CADM2: variants seen among roughly 807,000 people sequenced by gnomAD.
CADM2 encodes cell adhesion molecule 2.
In CADM2, 12 loss-of-function variants were observed where a neutral mutation model predicts 49.8. The ratio of observed to expected loss-of-function variants is 0.24; its 90% confidence interval spans 0.15 to 0.39. The LOEUF (loss-of-function observed/expected upper bound fraction) is 0.39. CADM2 is among the 10% of genes least tolerant of loss of function. The pLI, the probability that CADM2 is intolerant of heterozygous loss-of-function variation, is 1.00. For synonymous variants in CADM2, 214 were observed against 175.4 expected (o/e 1.22, Z -1.74); for missense variants, 378 against 492.3 (o/e 0.77, Z 2.20).
intron 5 of CADM2, 31 bp downstream of exon 5, chr3:85,886,358 A>T: frequency 6.6e-7 from 1 of 1,522,666 alleles, no homozygotes; most frequent in South Asian, 1.1e-5. Context: ...AATCAAAATT[A>T]ATGTGCTGAA....
intron 3 of CADM2, among the ~76,000 whole-genome samples, chr3:85,811,095 A>G (rs774890025): frequency 5.9e-5 from 9 of 152,230 alleles, no homozygotes; most frequent in Non-Finnish European, 1.3e-4. Flanking sequence ...CAACATATGC[A>G]TGCCTAAATT....
At chr3:85,051,909 G>A (rs2035896896) in intron 1 of CADM2, among the ~76,000 whole-genome samples, 1 of 152,068 alleles carries the variant, frequency 6.6e-6, no homozygotes, top group Non-Finnish European at 1.5e-5. Flanking sequence ...TGCAAATGAA[G>A]GGATTTTTTA....
rs186128334 is a variant in CADM2, at chr3:85,180,941, C to A, written c.61+221273C>A. 1.6e-3 allele frequency among the ~76,000 whole-genome samples: 238 copies of A among 152,068 alleles called. 1 individual carries two copies. The highest frequency in any genetic ancestry group is 5.3e-3 in the African/African-American group (218 of 41,486). On this transcript the variant is annotated intron_variant, in intron 1 of 9. Transcript: ENST00000383699. The stretch of plus-strand genomic sequence containing the variant: ...GCTTCCAGGTATAAGTGATTAGTCC[C>A]TAAAGGAGAATGTGATGAAGAAATT...
chr3:85,184,975 G>T (rs375578331), intron 1 of CADM2, among the ~76,000 whole-genome samples: 1 of 152,034 alleles, frequency 6.6e-6, no homozygotes, highest in African/African-American at 2.4e-5. Context: ...CAGTAGTACA[G>T]ACATAATCAG....
chr3:85,466,834 C>T (rs868694497), intron 1 of CADM2, among the ~76,000 whole-genome samples: 1 of 151,614 alleles, frequency 6.6e-6, no homozygotes, highest in Non-Finnish European at 1.5e-5. Context: ...TTCAGACAGT[C>T]TTGGAAAATG....
At chr3:85,071,743 G>T (rs1252286138) in intron 1 of CADM2, among the ~76,000 whole-genome samples, 1 of 151,976 alleles carries the variant, frequency 6.6e-6, no homozygotes, top group African/African-American at 2.4e-5. Context: ...ACTGAGCCTT[G>T]ATTATCATAG....
At chr3:85,602,326 C>G (rs549841068) in intron 1 of CADM2, among the ~76,000 whole-genome samples, 1 of 151,568 alleles carries the variant, frequency 6.6e-6, no homozygotes, top group Non-Finnish European at 1.5e-5. Flanking sequence ...ACTTTAGGAC[C>G]AAAATTAACT....
At chr3:85,531,412 TAGTGTC>T (rs1371360230) in intron 1 of CADM2, among the ~76,000 whole-genome samples, 10 of 152,198 alleles carry the variant, frequency 6.6e-5, no homozygotes, top group African/African-American at 1.4e-4. Context: ...TTGGAGATGT[TAGTGTC>T]TGTAGTCTGG....
intron 1 of CADM2, among the ~76,000 whole-genome samples, chr3:85,688,761 T>A (rs141287781): frequency 0.014 from 2,182 of 151,990 alleles, 50 homozygotes; most frequent in African/African-American, 0.05. Flanking sequence ...AGAGATGGGG[T>A]TTCACCATGG....
intron 1 of CADM2, among the ~76,000 whole-genome samples, chr3:85,581,996 T>C (rs1013064064): frequency 6.6e-6 from 1 of 152,066 alleles, no homozygotes; most frequent in Non-Finnish European, 1.5e-5. Flanking sequence ...GTGTGAACTC[T>C]GCTCACTGCA....
At chr3:85,569,614 A>G (rs2062415854) in intron 1 of CADM2, among the ~76,000 whole-genome samples, 2 of 151,246 alleles carry the variant, frequency 1.3e-5, no homozygotes. Flanking sequence ...TTATTTTAGC[A>G]TTCCGATAGG....
chr3:85,965,828 T>C (rs1725405808), intron 8 of CADM2, among the ~76,000 whole-genome samples: 1 of 151,626 alleles, frequency 6.6e-6, no homozygotes, highest in Non-Finnish European at 1.5e-5. Flanking sequence ...GAATGACCAA[T>C]GGTATTATGC....
intron 3 of CADM2, among the ~76,000 whole-genome samples, chr3:85,857,150 T>G (rs1481931828): frequency 2.0e-5 from 3 of 152,148 alleles, no homozygotes; most frequent in Non-Finnish European, 4.4e-5. Flanking sequence ...GAGGTCTCTT[T>G]TATAAGGGTG....
intron 1 of CADM2, among the ~76,000 whole-genome samples, chr3:85,635,699 T>A (rs1165918163): frequency 6.6e-6 from 1 of 152,154 alleles, no homozygotes; most frequent in Non-Finnish European, 1.5e-5. Flanking sequence ...GTGCATACAA[T>A]TTAACAAATA....
At chr3:85,832,737 G>A (rs941378977) in intron 3 of CADM2, among the ~76,000 whole-genome samples, 4 of 151,784 alleles carry the variant, frequency 2.6e-5, no homozygotes, top group South Asian at 2.1e-4. Context: ...GTATAGAATC[G>A]TATCATCTGC....
At chr3:85,887,450 T>C (rs1713828086) in intron 5 of CADM2, among the ~76,000 whole-genome samples, 1 of 152,184 alleles carries the variant, frequency 6.6e-6, no homozygotes, top group Admixed American at 6.5e-5. Context: ...GTAATGGGCA[T>C]GCAGGCTTAG....
intron 8 of CADM2, among the ~76,000 whole-genome samples, chr3:86,025,570 G>A (rs1239939603): frequency 6.6e-6 from 1 of 152,002 alleles, no homozygotes; most frequent in African/African-American, 2.4e-5. Context: ...CGTTGGTGAA[G>A]TTAAGATAAA....
chr3:85,758,253 T>C (rs553506717), intron 2 of CADM2, among the ~76,000 whole-genome samples: 204 of 152,228 alleles, frequency 1.3e-3, no homozygotes, highest in Admixed American at 2.1e-3. Context: ...CAATGAACAT[T>C]AATCAGCAAA....
At chr3:85,219,712 T>G (rs2042005947) in intron 1 of CADM2, among the ~76,000 whole-genome samples, 1 of 152,120 alleles carries the variant, frequency 6.6e-6, no homozygotes, top group Non-Finnish European at 1.5e-5. Context: ...TCTTATACCT[T>G]GCATGATACC....
Sources: allele counts gnomAD v4.1 joint callset (sites outside exome capture counted in the v4.1 genomes callset), GRCh38; gene constraint gnomAD v4.1.1; transcripts MANE v1.5; gene names NCBI Gene and HGNC (gene_info 2026-07-23, HGNC 2026-07-21).